ANKRD44: variants seen among roughly 807,000 people sequenced by gnomAD.
ANKRD44 encodes the protein ankyrin repeat domain 44.
A neutral mutation model predicts 116.0 loss-of-function variants in ANKRD44; 35 were observed. That is an observed-to-expected ratio of 0.30 (90% CI 0.23 to 0.40). ANKRD44 has a LOEUF of 0.40. ANKRD44 is among the 10% of genes least tolerant of loss of function. The pLI, the probability that ANKRD44 is intolerant of heterozygous loss-of-function variation, is 1.00. For synonymous variants in ANKRD44, 435 were observed against 461.8 expected (o/e 0.94, Z 0.74); for missense variants, 1,014 against 1,242.6 (o/e 0.82, Z 2.77).
intron 16 of ANKRD44, among the ~76,000 whole-genome samples, chr2:197,038,187 C>A (rs1202424101): frequency 6.6e-6 from 1 of 152,070 alleles, no homozygotes; most frequent in African/African-American, 2.4e-5. Context: ...GTAGGTCCAT[C>A]ACTTGTAACA....
At chr2:197,219,667 C>T (rs1284122986) in intron 1 of ANKRD44, among the ~76,000 whole-genome samples, 1 of 151,976 alleles carries the variant, frequency 6.6e-6, no homozygotes. Context: ...GAAAGGTTCC[C>T]GAGGACAATC....
At chr2:197,000,919 T>C (rs1213411510) in intron 22 of ANKRD44, among the ~76,000 whole-genome samples, 1 of 152,156 alleles carries the variant, frequency 6.6e-6, no homozygotes, top group Non-Finnish European at 1.5e-5. Flanking sequence ...GCACCTGTAG[T>C]CCCAGCTGCT....
intron 2 of ANKRD44, among the ~76,000 whole-genome samples, chr2:197,162,050 C>T (rs556518705): frequency 2.2e-4 from 34 of 152,188 alleles, no homozygotes; most frequent in Admixed American, 1.5e-3. Flanking sequence ...TAGTCACTGG[C>T]GTGCTTCATA....
chr2:197,061,345 G>A (rs2077307797), intron 16 of ANKRD44, among the ~76,000 whole-genome samples: 1 of 152,210 alleles, frequency 6.6e-6, no homozygotes, highest in Non-Finnish European at 1.5e-5. Context: ...GACTGCAGGA[G>A]GTGGTAGAGT....
At chr2:197,179,141 TA>T (rs2080442393) in intron 2 of ANKRD44, among the ~76,000 whole-genome samples, 1 of 152,224 alleles carries the variant, frequency 6.6e-6, no homozygotes, top group African/African-American at 2.4e-5. Flanking sequence ...CTGGACTTTC[TA>T]GTCTGTTCTA....
chr2:197,014,972 G>GGA (rs1181715519), intron 17 of ANKRD44: 1 of 173,744 alleles, frequency 5.8e-6, no homozygotes, highest in Non-Finnish European at 1.2e-5. Context: ...GGTGAAATGG[G>GGA]TATGGGGGAC....
intron 16 of ANKRD44, chr2:197,029,406 G>C (rs2076661768): frequency 3.5e-6 from 1 of 286,668 alleles, no homozygotes; most frequent in Admixed American, 5.1e-5. Context: ...GGGCTCTTTG[G>C]AGCTCTAGGC....
At chr2:197,282,444 G>A (rs1305912747) in intron 1 of ANKRD44, among the ~76,000 whole-genome samples, 1 of 152,032 alleles carries the variant, frequency 6.6e-6, no homozygotes, top group Non-Finnish European at 1.5e-5. Context: ...GTTTGAAGAT[G>A]AGCCTGGCAT....
intron 16 of ANKRD44, among the ~76,000 whole-genome samples, chr2:197,058,255 A>G (rs2077241278): frequency 1.3e-5 from 2 of 152,320 alleles, no homozygotes; most frequent in South Asian, 4.1e-4. Flanking sequence ...ACTAATAATC[A>G]TCTACTGCTT....
At chr2:196,976,791 C>T (rs2075764052) in intron 21 of ANKRD44, among the ~76,000 whole-genome samples, 1 of 151,980 alleles carries the variant, frequency 6.6e-6, no homozygotes. Context: ...TCACCTGAGC[C>T]CAGGAAGTCG....
intron 1 of ANKRD44, among the ~76,000 whole-genome samples, chr2:197,236,936 G>C (rs2081991472): frequency 1.3e-5 from 2 of 152,140 alleles, no homozygotes; most frequent in Admixed American, 1.3e-4. Flanking sequence ...AGGAAAAATG[G>C]GGAGAAGCAA....
intron 16 of ANKRD44, among the ~76,000 whole-genome samples, chr2:197,048,157 G>GT (rs2077038104): frequency 2.0e-5 from 3 of 151,882 alleles, no homozygotes; most frequent in African/African-American, 7.3e-5. Context: ...TTTACATTGT[G>GT]TTTTTCTAAA....
At chr2:197,066,553 C>G (rs1037369370) in intron 16 of ANKRD44, among the ~76,000 whole-genome samples, 4 of 152,216 alleles carry the variant, frequency 2.6e-5, no homozygotes, top group African/African-American at 9.7e-5. Context: ...ATCGTCTCAG[C>G]CCAAACTCTC....
At chr2:197,112,449 C>T (rs764872408) in intron 8 of ANKRD44, among the ~76,000 whole-genome samples, 9 of 152,272 alleles carry the variant, frequency 5.9e-5, no homozygotes, top group Non-Finnish European at 1.3e-4. Flanking sequence ...GTGGCTCACG[C>T]CTGTAATCCC....
intron 1 of ANKRD44, among the ~76,000 whole-genome samples, chr2:197,193,117 T>C (rs1215981553): frequency 6.6e-6 from 1 of 152,218 alleles, no homozygotes; most frequent in Non-Finnish European, 1.5e-5. Flanking sequence ...AATTAATTTA[T>C]TACCTAATCT....
intron 25 of ANKRD44, among the ~76,000 whole-genome samples, chr2:196,996,522 T>C (rs2076014243): frequency 6.6e-6 from 1 of 152,160 alleles, no homozygotes; most frequent in African/African-American, 2.4e-5. Context: ...AAATATAATT[T>C]TAGAAATGTC....
intron 13 of ANKRD44, among the ~76,000 whole-genome samples, chr2:197,086,334 T>C (rs1489900855): frequency 1.3e-5 from 2 of 152,118 alleles, no homozygotes; most frequent in African/African-American, 2.4e-5. Flanking sequence ...TCAATACATA[T>C]AATAAAATAT....
At chr2:197,085,891 A>G (rs1218453841) in intron 13 of ANKRD44, among the ~76,000 whole-genome samples, 1 of 151,838 alleles carries the variant, frequency 6.6e-6, no homozygotes, top group African/African-American at 2.4e-5. Context: ...CTGGATGGGG[A>G]CCCCTTTCCC....
At chr2:197,071,557 G>A (rs1031942123) in intron 16 of ANKRD44, among the ~76,000 whole-genome samples, 10 of 152,052 alleles carry the variant, frequency 6.6e-5, no homozygotes, top group African/African-American at 1.2e-4. Flanking sequence ...TAGAAAACAC[G>A]CTCTATATGA....
Sources: gnomAD v4.1 joint callset for allele counts (sites outside exome capture counted in the v4.1 genomes callset) on GRCh38, gnomAD v4.1.1 for gene constraint, MANE v1.5 for transcripts, NCBI Gene and HGNC (gene_info 2026-07-23, HGNC 2026-07-21) for gene names.